ASIC4: variants seen among roughly 807,000 people sequenced by gnomAD.
The protein encoded by ASIC4 is acid sensing ion channel subunit family member 4, also known as acid-sensing ion channel 4.
ASIC4 carries 28 observed loss-of-function variants against 53.4 expected under a neutral mutation model. The ratio of observed to expected loss-of-function variants is 0.52; its 90% confidence interval spans 0.39 to 0.72. ASIC4 has a LOEUF of 0.72. Among genes scored for constraint, ASIC4 ranks in the 30% least tolerant of loss-of-function variants. The pLI, the probability that ASIC4 is intolerant of heterozygous loss-of-function variation, is 0.00. For missense variants in ASIC4, 649 were observed against 729.7 expected (o/e 0.89, Z 1.27); for synonymous variants, 289 against 301.4 (o/e 0.96, Z 0.43).
intron 5 of ASIC4, chr2:219,533,369 G>A (rs1003785856): frequency 2.7e-5 from 7 of 259,982 alleles, no homozygotes; most frequent in East Asian, 8.3e-5. Context: ...ATCGATTCGC[G>A]CATTCTCCAG....
At position 219,521,724 on chromosome 2, in the gene ASIC4, AGTTATAAGTTATAAGTATTCCTG is replaced by A. The variant is rs1345752587; in HGVS notation, c.582+6419_582+6441del. 1.7e-4 allele frequency among the ~76,000 whole-genome samples: 7 copies of A among 42,202 alleles called. No homozygotes were observed. The East Asian group carries it at 2.7e-3, about 16-fold the overall frequency. The allele number at this position is 42,202 out of a possible 152,430, so 27.7% of individuals were successfully genotyped here. ...AGAGGCCGGCCTCAGGCTGCCTCTGAGTTATAAGTTATAAGTATTCCTGAGTTATAAGTATTCCTTGCCCTTCC... is the reference window on the plus strand; with the variant it reads ...AGAGGCCGGCCTCAGGCTGCCTCTGAAGTTATAAGTATTCCTTGCCCTTCC... On this transcript the variant is annotated intron_variant, in intron 1 of 9. Coordinates refer to ENST00000358078, the MANE Select transcript of ASIC4 (RefSeq NM_018674.6).
chr2:219,510,526 T>C (rs1173845312), upstream of ASIC4, among the ~76,000 whole-genome samples: 2 of 152,028 alleles, frequency 1.3e-5, no homozygotes, highest in Non-Finnish European at 2.9e-5. The surrounding 1 kb of genome is among the most constrained non-coding windows in gnomAD (Gnocchi z 5.2). Context: ...CCACAGACTT[T>C]GTTAGTTTCT....
chr2:219,537,602 C>T lies in ASIC4; in HGVS notation c.1402-30C>T. On this transcript the variant is annotated intron_variant, in intron 8 of 9. Coordinates refer to ENST00000358078, the MANE Select transcript of ASIC4 (RefSeq NM_018674.6). The surrounding 1 kb of genome is among the most constrained non-coding windows in gnomAD (Gnocchi z 4.9). ...TTCTCCTCAACCAAATTTCCTGAGC[C>T]CACTGCTGTCCCCGACCCTGAACCC... 1 of 1,583,824 alleles carries T rather than the reference C, an allele frequency of 6.3e-7. No homozygotes were observed. Among genetic ancestry groups the T allele is most frequent in the Non-Finnish European group, 8.6e-7 (1 of 1,161,708 alleles).
rs1179130802 is a variant in ASIC4, at chr2:219,515,285, C to T, written c.561C>T (p.Cys187=). 3.7e-6 allele frequency: 6 copies of T among 1,611,198 alleles called. No homozygotes were observed. The South Asian group carries it at 4.4e-5, about 12-fold the overall frequency. The stretch of plus-strand genomic sequence containing the variant: ...GCTGCAACTTCAGTGGGCATCACTG[C>T]TCCGCCAGCAACTTCTCTGTGGTGA... ...LKSCNFSGHH[C]SASNFSVVYT... Residue 187 remains cysteine (C), a synonymous_variant, in exon 1 of 10, where the codon TGC becomes TGT. Coordinates refer to ENST00000358078, the MANE Select transcript of ASIC4 (RefSeq NM_018674.6).
In ASIC4 at chr2:219,532,084, G is replaced by C; in HGVS notation, c.811G>C (p.Val271Leu). The change falls in exon 3 of 10, where the codon GTG becomes CTG. Residue 271 changes from valine (V) to leucine (L), a missense_variant. Val to Leu is a conservative substitution (Grantham distance 32, BLOSUM62 1). Coordinates refer to ENST00000358078, the MANE Select transcript of ASIC4 (RefSeq NM_018674.6). Reference protein sequence around the residue: ...PPYIHQLGFGVSPGFQTFVSC... With the variant: ...PPYIHQLGFGLSPGFQTFVSC... ...CTACATCCACCAGCTGGGGTTCGGG[G>C]TGTCCCCAGGCTTCCAGACCTTTGT... 6.2e-7 allele frequency: 1 copy of C among 1,614,236 alleles called. No homozygotes were observed. Among genetic ancestry groups the C allele is most frequent in the South Asian group, 1.1e-5 (1 of 91,090 alleles).
chr2:219,515,487 G>C (rs1694771703), intron 1 of ASIC4, among the ~76,000 whole-genome samples, 181 bp downstream of exon 1: 1 of 152,252 alleles, frequency 6.6e-6, no homozygotes, highest in African/African-American at 2.4e-5. Flanking sequence ...CCATGGAGCA[G>C]TGGCCGCTCA....
At chr2:219,530,736 C>T (rs536933700) in intron 1 of ASIC4, among the ~76,000 whole-genome samples, 1 of 152,040 alleles carries the variant, frequency 6.6e-6, no homozygotes, top group African/African-American at 2.4e-5. Flanking sequence ...AACAAAAGCC[C>T]GAGGAGAAAA....
chr2:219,513,011 G>A (rs1694720920), upstream of ASIC4, among the ~76,000 whole-genome samples: 1 of 152,194 alleles, frequency 6.6e-6, no homozygotes, highest in South Asian at 2.1e-4. Context: ...CCTGGGGCCA[G>A]GCAGAGGCTG....
At chr2:219,522,233 A>C (rs1243361723) in intron 1 of ASIC4, among the ~76,000 whole-genome samples, 1 of 152,178 alleles carries the variant, frequency 6.6e-6, no homozygotes, top group Non-Finnish European at 1.5e-5. Flanking sequence ...GATTAAGGGG[A>C]AATGGAGGAT....
chr2:219,533,552 A>G (rs551982164), intron 5 of ASIC4: 203 of 159,342 alleles, frequency 1.3e-3, no homozygotes, highest in African/African-American at 4.6e-3. Flanking sequence ...GTGCAGCCCT[A>G]GCCTGGGAAG....
At chr2:219,514,426 A>G (rs766043612), upstream of ASIC4, 7 of 1,549,258 alleles carry the variant, frequency 4.5e-6, no homozygotes, top group Non-Finnish European at 5.2e-6. Context: ...GCAGGGACAC[A>G]CGCAGGGGCT....
At chr2:219,534,719 G>A (rs960966724) in intron 5 of ASIC4, among the ~76,000 whole-genome samples, 1 of 152,076 alleles carries the variant, frequency 6.6e-6, no homozygotes, top group Admixed American at 6.5e-5. Context: ...GAAGCTTGTC[G>A]GTCTATTTGT....
Position 219,532,146 on chromosome 2 carries a change from G to A in ASIC4, c.855+18G>A. On this transcript the variant is annotated intron_variant, in intron 3 of 9. Transcript: ENST00000358078. Reference sequence around the variant, plus strand: ...AACAGCGGGTGAGCATCTCCTGCTAGGCCCTGGATTGGGCACAGGGCTCGC... The same window carrying A: ...AACAGCGGGTGAGCATCTCCTGCTAAGCCCTGGATTGGGCACAGGGCTCGC... 6.2e-7 allele frequency: 1 copy of A among 1,613,932 alleles called. No homozygotes were observed. The highest frequency in any genetic ancestry group is 1.1e-5 in the South Asian group (1 of 91,076).
At chr2:219,533,630 A>C (rs1418046286) in intron 5 of ASIC4, 3 of 154,398 alleles carry the variant, frequency 1.9e-5, no homozygotes, top group Non-Finnish European at 2.9e-5. Flanking sequence ...AGTCAGGTGC[A>C]AAGGGGGACA....
chr2:219,534,514 C>G (rs1695095796), intron 5 of ASIC4, among the ~76,000 whole-genome samples: 1 of 152,164 alleles, frequency 6.6e-6, no homozygotes, highest in Non-Finnish European at 1.5e-5. Context: ...GGAGAAATAC[C>G]CTGGCATCTC....
chr2:219,530,463 G>C (rs980805365), intron 1 of ASIC4, among the ~76,000 whole-genome samples: 1 of 152,264 alleles, frequency 6.6e-6, no homozygotes, highest in Non-Finnish European at 1.5e-5. Flanking sequence ...AGAGGCTGGG[G>C]ACACCAGACA....
At chr2:219,533,429 C>T (rs1242385553) in intron 5 of ASIC4, 1 of 179,334 alleles carries the variant, frequency 5.6e-6, no homozygotes, top group Non-Finnish European at 1.2e-5. Flanking sequence ...GGGCGACAGC[C>T]CTGCCCTTGG....
At chr2:219,507,163 G>A in the ASIC4 span, among the ~76,000 whole-genome samples, 4 of 152,122 alleles carry the variant, frequency 2.6e-5, no homozygotes, top group African/African-American at 7.2e-5. Context: ...CGTGCTGCTC[G>A]GGAGGAAGGC....
At chr2:219,535,129 C>A (rs1388529050) in intron 5 of ASIC4, 42 bp from the exon 6 acceptor site, 2 of 1,586,102 alleles carry the variant, frequency 1.3e-6, no homozygotes, top group Non-Finnish European at 1.7e-6. Context: ...ACTGGACCAC[C>A]CTTCTCCAAC....
Sources: gnomAD v4.1 joint callset for allele counts (sites outside exome capture counted in the v4.1 genomes callset) on GRCh38, gnomAD v4.1.1 for gene constraint, Gnocchi (gnomAD v3.1) non-coding constraint, MANE v1.5 for transcripts, NCBI Gene and HGNC (gene_info 2026-07-23, HGNC 2026-07-21) for gene names.